USP25: variants seen among roughly 807,000 people sequenced by gnomAD.
USP25 encodes the protein ubiquitin carboxyl-terminal hydrolase 25.
Under a neutral mutation model 158.5 loss-of-function variants are expected in USP25, and 85 were observed. The observed-to-expected ratio is 0.54, with a 90% CI of 0.45 to 0.64. USP25 has a LOEUF of 0.64. USP25 is among the 30% of genes least tolerant of loss of function. The pLI, the probability that USP25 is intolerant of heterozygous loss-of-function variation, is 0.00. For synonymous variants in USP25, 464 were observed against 460.4 expected (o/e 1.01, Z -0.10); for missense variants, 1,242 against 1,327.3 (o/e 0.94, Z 1.00).
intron 8 of USP25, 31 bp downstream of exon 8, chr21:15,808,916 T>G (rs1458390876): frequency 4.0e-6 from 6 of 1,513,712 alleles, no homozygotes; most frequent in Admixed American, 3.7e-5. Context: ...GCAATGGGGT[T>G]TTAGGAATTC....
intron 6 of USP25, among the ~76,000 whole-genome samples, chr21:15,803,043 G>A (rs750464849): frequency 1.3e-5 from 2 of 151,658 alleles, no homozygotes; most frequent in African/African-American, 2.4e-5. Flanking sequence ...TATCTTGAAA[G>A]TCACAAGCTA....
At chr21:15,823,929 A>G (rs1056204989) in intron 10 of USP25, 110 bp from the exon 11 acceptor site, 3 of 1,101,520 alleles carry the variant, frequency 2.7e-6, no homozygotes, top group African/African-American at 3.2e-5. Context: ...TCAGGTCCGC[A>G]TTGTGGTGAT....
intron 24 of USP25, chr21:15,876,539 A>C (rs113928368): frequency 6.0e-6 from 1 of 166,148 alleles, no homozygotes; most frequent in African/African-American, 2.4e-5. Context: ...GACCTTCATC[A>C]CATGGTGGCA....
chr21:15,831,487 AAGC>A lies in USP25; in HGVS notation c.1854_1856del (p.Ser618del). ...GGGCATATATTTTTGATCATCGTGA[AAGC>A]AGATGGATGAAGTACAATGATATTG... On this transcript the variant is annotated inframe_deletion, in exon 16 of 26. Coordinates refer to ENST00000400183, the MANE Select transcript of USP25 (RefSeq NM_001283041.3). 1 of 1,614,102 alleles carries A rather than the reference AAGC, an allele frequency of 6.2e-7. No individual in the cohort carries two copies. The highest frequency in any genetic ancestry group is 8.5e-7 in the Non-Finnish European group (1 of 1,179,976).
intron 6 of USP25, among the ~76,000 whole-genome samples, chr21:15,801,368 A>G (rs2036126108): frequency 6.6e-6 from 1 of 151,526 alleles, no homozygotes; most frequent in Non-Finnish European, 1.5e-5. Flanking sequence ...CTTTCTAGAG[A>G]AGTTTGTTTC....
chr21:15,781,772 G>A (rs772545532), intron 4 of USP25, among the ~76,000 whole-genome samples: 1 of 152,046 alleles, frequency 6.6e-6, no homozygotes, highest in Non-Finnish European at 1.5e-5. Context: ...ACCACCACAG[G>A]TGCCAGCAGT....
At chr21:15,769,031 A>G (rs1031678251) in intron 3 of USP25, among the ~76,000 whole-genome samples, 10 of 152,098 alleles carry the variant, frequency 6.6e-5, no homozygotes, top group Non-Finnish European at 5.9e-5. Flanking sequence ...TTCTTTTAGA[A>G]GGAATAAATT....
At chr21:15,822,540 A>G (rs1332925820) in intron 10 of USP25, among the ~76,000 whole-genome samples, 1 of 151,970 alleles carries the variant, frequency 6.6e-6, no homozygotes, top group Non-Finnish European at 1.5e-5. Context: ...ATTTAATTTT[A>G]ATGGTGACAT....
chr21:15,878,446 C>T lies in USP25; in HGVS notation c.3349C>T (p.Leu1117Phe). Reference sequence around the variant, plus strand: ...GCGATTTGCCCGAATCATGTTGTCCCTCAGTCGAACTCCTGCTGATGGAAG... The same window carrying T: ...GCGATTTGCCCGAATCATGTTGTCCTTCAGTCGAACTCCTGCTGATGGAAG... Reference protein sequence around the residue: ...CERFARIMLSLSRTPADGR With the variant: ...CERFARIMLSFSRTPADGR Residue 1117 changes from leucine (L) to phenylalanine (F), a missense_variant, in exon 26 of 26, where the codon CTC (leucine) becomes TTC (phenylalanine). Transcript: ENST00000400183. 1 of 1,614,006 alleles carries T rather than the reference C, an allele frequency of 6.2e-7. No individual in the cohort carries two copies. Among genetic ancestry groups the T allele is most frequent in the Non-Finnish European group, 8.5e-7 (1 of 1,179,902 alleles).
chr21:15,781,859 A>G (rs1338785286), intron 4 of USP25, among the ~76,000 whole-genome samples: 1 of 152,188 alleles, frequency 6.6e-6, no homozygotes, highest in Non-Finnish European at 1.5e-5. Flanking sequence ...GCATGTGGCT[A>G]CATTCCCCCA....
chr21:15,746,719 A>G (rs928130027), intron 1 of USP25, among the ~76,000 whole-genome samples: 14 of 151,888 alleles, frequency 9.2e-5, no homozygotes, highest in Admixed American at 9.2e-4. Flanking sequence ...TTTTATTCCA[A>G]TTGTTTTTTG....
In USP25 at chr21:15,879,849, A is replaced by C. The variant is rs570277421; in HGVS notation, c.*1374A>C. Reference sequence around the variant, plus strand: ...TTGTAAAGGTATTAATGTACTAGTAAGGTGTTAATGACAAGGAATTAGTAC... The same window carrying C: ...TTGTAAAGGTATTAATGTACTAGTACGGTGTTAATGACAAGGAATTAGTAC... On this transcript the variant is annotated 3_prime_UTR_variant, in exon 26 of 26. Coordinates refer to ENST00000400183, the MANE Select transcript of USP25 (RefSeq NM_001283041.3). 1 of 152,628 alleles carries C rather than the reference A, an allele frequency of 6.6e-6. No individual in the cohort carries two copies. Among genetic ancestry groups the C allele is most frequent in the South Asian group, 2.1e-4 (1 of 4,828 alleles). 9.5% of individuals were successfully genotyped at this position (152,628 alleles called of 1,614,324 possible).
chr21:15,869,887 TAATA>T (rs2039813348), intron 22 of USP25, among the ~76,000 whole-genome samples, 177 bp from the exon 23 acceptor site: 1 of 152,226 alleles, frequency 6.6e-6, no homozygotes, highest in African/African-American at 2.4e-5. Flanking sequence ...AATGTTGTAT[TAATA>T]AATAGTCTTG....
chr21:15,857,233 C>A (rs1046211112), intron 20 of USP25, among the ~76,000 whole-genome samples: 1 of 152,134 alleles, frequency 6.6e-6, no homozygotes, highest in South Asian at 2.1e-4. Context: ...ATAAAGAACA[C>A]CTAAGTTGTT....
At chr21:15,735,269 C>G (rs1161667559) in intron 1 of USP25, among the ~76,000 whole-genome samples, 3 of 152,044 alleles carry the variant, frequency 2.0e-5, no homozygotes, top group African/African-American at 4.8e-5. Context: ...ATAGATTCAA[C>G]CAGCTGTGGA....
chr21:15,794,779 A>T (rs1268065318), intron 5 of USP25, among the ~76,000 whole-genome samples: 1 of 151,534 alleles, frequency 6.6e-6, no homozygotes, highest in African/African-American at 2.4e-5. Flanking sequence ...AGGCACCCTG[A>T]GGGCAGAGAG....
chr21:15,765,946 A>T, intron 2 of USP25, 51 bp from the exon 3 acceptor site: 2 of 1,547,352 alleles, frequency 1.3e-6, no homozygotes, highest in African/African-American at 1.4e-5. Flanking sequence ...ACTTTTTTTG[A>T]TGGATAAAAT....
At chr21:15,817,548 A>C (rs2037003925) in intron 9 of USP25, among the ~76,000 whole-genome samples, 1 of 152,130 alleles carries the variant, frequency 6.6e-6, no homozygotes, top group Non-Finnish European at 1.5e-5. Context: ...GACATACCCG[A>C]GACCGGGCAA....
chr21:15,841,207 T>A (rs950607846), intron 17 of USP25, among the ~76,000 whole-genome samples: 1 of 152,196 alleles, frequency 6.6e-6, no homozygotes, highest in African/African-American at 2.4e-5. Context: ...ATGTGCAGTC[T>A]CCACACCTTT....
Sources: gnomAD v4.1 joint callset for allele counts (sites outside exome capture counted in the v4.1 genomes callset) on GRCh38, gnomAD v4.1.1 for gene constraint, MANE v1.5 for transcripts, NCBI Gene and HGNC (gene_info 2026-07-23, HGNC 2026-07-21) for gene names.